The following DNAH11 variants were observed in gnomAD, a reference collection of about 807,000 sequenced individuals.
DNAH11 encodes dynein axonemal heavy chain 11, also known as axonemal beta dynein heavy chain 11.
Under a neutral mutation model 526.0 loss-of-function variants are expected in DNAH11, and 442 were observed. That is an observed-to-expected ratio of 0.84 (90% CI 0.78 to 0.91). The LOEUF (loss-of-function observed/expected upper bound fraction) is 0.91, where lower values mean the gene tolerates loss of function less well. DNAH11 is among the 40% of genes least tolerant of loss of function. DNAH11 has a pLI of 0.00. For missense variants in DNAH11, 6,989 were observed against 5,448.7 expected, an observed-to-expected ratio of 1.28 and a Z score of -8.90; for synonymous variants, 2,461 against 1,935.9, an observed-to-expected ratio of 1.27 and a Z score of -7.12.
chr7:21,598,638 A>G (rs1474390272), intron 14 of DNAH11, among the ~76,000 whole-genome samples: 1 of 151,474 alleles, frequency 6.6e-6, no homozygotes, highest in Non-Finnish European at 1.5e-5. Context: ...GTGCTTAAAC[A>G]AGGTCTGAAA....
At position 21,751,885 on chromosome 7, in the gene DNAH11, T is replaced by A. The variant is rs577873246; in HGVS notation, c.8940+1521T>A. Among the ~76,000 whole-genome samples, 4 of 152,336 alleles carry A rather than the reference T, an allele frequency of 2.6e-5. No homozygotes were observed. The South Asian group carries it at 8.3e-4, about 32-fold the overall frequency. On this transcript the variant is annotated intron_variant, in intron 54 of 81. Transcript: ENST00000409508. ...CCAGGGATTTCTTCCTGTTCCATGG[T>A]GATATACTAGGATCAAATTTTCTTT...
chr7:21,765,094 C>T (rs1787116654), intron 54 of DNAH11, among the ~76,000 whole-genome samples: 1 of 152,118 alleles, frequency 6.6e-6, no homozygotes, highest in Admixed American at 6.5e-5. Flanking sequence ...ATGGTGATTT[C>T]TTCTTAATTT....
intron 4 of DNAH11, 81 bp downstream of exon 4, chr7:21,559,873 A>T: frequency 8.4e-7 from 1 of 1,195,862 alleles, no homozygotes; most frequent in Non-Finnish European, 1.2e-6. Flanking sequence ...TAAAGATTTA[A>T]CACACTGTCT....
chr7:21,779,830 G>T (rs1311982588), intron 57 of DNAH11, among the ~76,000 whole-genome samples: 1 of 152,150 alleles, frequency 6.6e-6, no homozygotes, highest in Non-Finnish European at 1.5e-5. Context: ...GAGTGTATAT[G>T]TGTAAGGTAA....
At chr7:21,837,239 A>G (rs1202045814) in intron 65 of DNAH11, among the ~76,000 whole-genome samples, 6 of 152,236 alleles carry the variant, frequency 3.9e-5, no homozygotes, top group Non-Finnish European at 1.5e-5. Context: ...ACTATGATGT[A>G]TCAAAAGGAA....
At chr7:21,748,860 G>A (rs180830800) in intron 52 of DNAH11, 118 bp downstream of exon 52, 18 of 995,550 alleles carry the variant, frequency 1.8e-5, no homozygotes, top group East Asian at 2.7e-5. Flanking sequence ...CCCCAACCAC[G>A]GGAGAGCGGG....
chr7:21,774,073 C>T (rs748445788), intron 56 of DNAH11, 74 bp downstream of exon 56: 1 of 1,287,242 alleles, frequency 7.8e-7, no homozygotes, highest in Non-Finnish European at 1.0e-6. Flanking sequence ...TTTTGAAGCA[C>T]TACTAAATCC....
chr7:21,790,274 G>A (rs1183913924), intron 61 of DNAH11, among the ~76,000 whole-genome samples: 6 of 151,912 alleles, frequency 3.9e-5, no homozygotes, highest in East Asian at 1.9e-4. Flanking sequence ...GTGAAACCCC[G>A]TCACTACTAA....
chr7:21,597,129 T>C (rs1005983259), intron 14 of DNAH11, among the ~76,000 whole-genome samples: 10 of 60,936 alleles, frequency 1.6e-4, no homozygotes, highest in African/African-American at 5.6e-4. Context: ...CCATGGAATA[T>C]TGGGCCTGAG....
Position 21,591,494 on chromosome 7 carries a change from A to G in DNAH11, c.2584A>G (p.Thr862Ala). 1 of 1,612,492 alleles carries G rather than the reference A, an allele frequency of 6.2e-7. No individual in the cohort carries two copies. Among genetic ancestry groups the G allele is most frequent in the Non-Finnish European group, 8.5e-7 (1 of 1,178,728 alleles). ...RREHRREAAFTLEDKGDLFTK... is the reference protein window; with the variant it reads ...RREHRREAAFALEDKGDLFTK... ...AGAGCACAGACGAGAGGCAGCCTTC[A>G]CCTTGGAGGACAAGGGTGATTTGTT... Residue 862 changes from threonine (T) to alanine (A), a missense_variant, in exon 14 of 82, where the codon ACC becomes GCC. Transcript: ENST00000409508.
At chr7:21,680,551 G>A (rs1783096290) in intron 30 of DNAH11, among the ~76,000 whole-genome samples, 2 of 152,144 alleles carry the variant, frequency 1.3e-5, no homozygotes, top group Admixed American at 1.3e-4. Flanking sequence ...TATGTAGGTA[G>A]TCAAAACGGA....
chr7:21,814,812 AC>A (rs763532792), intron 63 of DNAH11, among the ~76,000 whole-genome samples: 14 of 151,606 alleles, frequency 9.2e-5, no homozygotes, highest in Non-Finnish European at 2.1e-4. Flanking sequence ...TATTTTCCTC[AC>A]CCTACACTTA....
At chr7:21,576,023 C>T (rs537232261) in intron 8 of DNAH11, among the ~76,000 whole-genome samples, 11 of 152,132 alleles carry the variant, frequency 7.2e-5, no homozygotes, top group African/African-American at 2.4e-4. Flanking sequence ...TGTACTTTTC[C>T]CTACTGCTCC....
At chr7:21,900,633 A>G (rs1784755072) in intron 81 of DNAH11, among the ~76,000 whole-genome samples, 1 of 152,160 alleles carries the variant, frequency 6.6e-6, no homozygotes. Flanking sequence ...TTTTCAGTTT[A>G]AAGCAAGTGC....
chr7:21,679,895 G>A (rs1316813574), intron 30 of DNAH11, among the ~76,000 whole-genome samples: 1 of 152,084 alleles, frequency 6.6e-6, no homozygotes, highest in Non-Finnish European at 1.5e-5. Context: ...TATACTTTAA[G>A]TTTTAGGGTA....
At chr7:21,866,127 C>T (rs1783267000) in intron 70 of DNAH11, among the ~76,000 whole-genome samples, 1 of 152,180 alleles carries the variant, frequency 6.6e-6, no homozygotes, top group Admixed American at 6.5e-5. Flanking sequence ...CAGCAAGTCT[C>T]AGCCTCAATT....
chr7:21,867,588 A>C (rs1783329170), intron 71 of DNAH11, among the ~76,000 whole-genome samples: 1 of 152,228 alleles, frequency 6.6e-6, no homozygotes, highest in African/African-American at 2.4e-5. Context: ...AAGCCATAGC[A>C]GACAGCTGAT....
In DNAH11 at chr7:21,739,701, A is replaced by G. The variant is rs766399090; in HGVS notation, c.7914+28A>G. On this transcript the variant is annotated intron_variant, in intron 48 of 81. Transcript: ENST00000409508. ...AGGGTGTTGAATACTGCTCTCAAAA[A>G]CTGTAGGTCTGTATTGTATTGTTTT... 4 of 1,546,680 alleles carry G rather than the reference A, an allele frequency of 2.6e-6. No homozygotes were observed. In the South Asian group the frequency reaches 3.5e-5, roughly 13 times the overall value.
chr7:21,843,668 A>T (rs552086532), intron 66 of DNAH11, among the ~76,000 whole-genome samples: 1 of 151,882 alleles, frequency 6.6e-6, no homozygotes, highest in Admixed American at 6.6e-5. Flanking sequence ...TTTAGTAGTG[A>T]TAGGGTTTCA....
Sources: gnomAD v4.1 joint callset for allele counts (sites outside exome capture counted in the v4.1 genomes callset) on GRCh38, gnomAD v4.1.1 for gene constraint, MANE v1.5 for transcripts, NCBI Gene and HGNC (gene_info 2026-07-23, HGNC 2026-07-21) for gene names.